Variants in SEPTIN10 observed in about 807,000 individuals in gnomAD.
The protein encoded by SEPTIN10 is septin-10.
SEPTIN10 carries 66 observed loss-of-function variants against 54.8 expected under a neutral mutation model. That is an observed-to-expected ratio of 1.21 (90% confidence interval 0.99 to 1.48). SEPTIN10 has a LOEUF of 1.48. Ranked by LOEUF, SEPTIN10 falls within the 40% of genes most tolerant of loss-of-function variation. The probability of loss-of-function intolerance (pLI) is 0.00; values close to 1 mark genes in which losing one functional copy is unlikely to be tolerated. For missense variants in SEPTIN10, 620 were observed against 545.6 expected (o/e 1.14, Z -1.36); for synonymous variants, 161 against 181.0 (o/e 0.89, Z 0.89).
intron 1 of SEPTIN10, among the ~76,000 whole-genome samples, chr2:109,609,103 T>G (rs1698663255): frequency 6.6e-6 from 1 of 152,118 alleles, no homozygotes; most frequent in South Asian, 2.1e-4. Flanking sequence ...ATAATGAAAA[T>G]CGGTCTGGGA....
At chr2:109,597,405 T>C (rs539470403) in intron 1 of SEPTIN10, among the ~76,000 whole-genome samples, 5 of 152,330 alleles carry the variant, frequency 3.3e-5, no homozygotes, top group Admixed American at 2.6e-4. Flanking sequence ...GACCACCCAC[T>C]TAGTATGTGT....
chr2:109,579,034 T>C (rs1005503747), intron 4 of SEPTIN10, among the ~76,000 whole-genome samples: 1 of 152,110 alleles, frequency 6.6e-6, no homozygotes, highest in South Asian at 2.1e-4. Context: ...CAACACTTTG[T>C]CAAGACTAAT....
chr2:109,588,502 A>T (rs1266118937), intron 2 of SEPTIN10, among the ~76,000 whole-genome samples: 2 of 151,668 alleles, frequency 1.3e-5, no homozygotes, highest in South Asian at 4.2e-4. Context: ...ATATATACAA[A>T]TTTTTTTTTA....
rs1205657698 is a variant in SEPTIN10, at chr2:109,564,198, A to T, written c.1028+168T>A. 3 of 532,462 alleles carry T rather than the reference A, an allele frequency of 5.6e-6. No homozygotes were observed. In the East Asian group the frequency reaches 1.0e-4, roughly 18 times the overall value. 33.0% of individuals were successfully genotyped at this position (532,462 alleles called of 1,614,324 possible). A position where few individuals can be genotyped will look rare whatever the true frequency, so the allele number is the denominator to read the frequency against. Reference sequence around the variant, plus strand: ...AAAAGCAAGACTCTTCAAAAGCAAGAAGGAGTCAAGTGATTCAAGAAGCAC... The same window carrying T: ...AAAAGCAAGACTCTTCAAAAGCAAGTAGGAGTCAAGTGATTCAAGAAGCAC... On this transcript the variant is annotated intron_variant, in intron 8 of 10. Transcript: ENST00000397712.
chr2:109,565,575 T>A (rs72938251), intron 7 of SEPTIN10, among the ~76,000 whole-genome samples, 188 bp downstream of exon 7: 11,577 of 152,086 alleles, frequency 0.076, 800 homozygotes, highest in African/African-American at 0.18. Flanking sequence ...GCGGGGGTAA[T>A]GTGTGTGTGG....
chr2:109,546,368 G>C (rs1681250018), intron 9 of SEPTIN10, 131 bp from the exon 10 acceptor site: 3 of 506,358 alleles, frequency 5.9e-6, no homozygotes, highest in South Asian at 1.3e-4. Context: ...TCTTTCTGAA[G>C]TCTCAGAAGT....
chr2:109,580,077 C>T (rs1690732993), intron 4 of SEPTIN10, among the ~76,000 whole-genome samples: 2 of 151,872 alleles, frequency 1.3e-5, no homozygotes, highest in Admixed American at 1.3e-4. Flanking sequence ...GCCTAGATCG[C>T]ACCACTGCAC....
chr2:109,600,582 C>T (rs1318630376), intron 1 of SEPTIN10, among the ~76,000 whole-genome samples: 1 of 151,154 alleles, frequency 6.6e-6, no homozygotes. Context: ...TGCTCTCACA[C>T]AACACAGGAT....
At chr2:109,606,734 C>T (rs948521431) in intron 1 of SEPTIN10, among the ~76,000 whole-genome samples, 2 of 118,016 alleles carry the variant, frequency 1.7e-5, no homozygotes, top group Admixed American at 1.2e-4. Flanking sequence ...GGCTGGAGTG[C>T]AGTGGTGCAA....
chr2:109,565,397 C>T lies in SEPTIN10; in HGVS notation c.859+366G>A, dbSNP rs182281134. ...CTGACTGGCTTATTCTGGAAATAGCCGGCAATACTTTGATCAGTAAAAATA... is the reference window on the plus strand; with the variant it reads ...CTGACTGGCTTATTCTGGAAATAGCTGGCAATACTTTGATCAGTAAAAATA... On this transcript the variant is annotated intron_variant, in intron 7 of 10. Coordinates refer to ENST00000397712, the MANE Select transcript of SEPTIN10 (RefSeq NM_144710.5). Among the ~76,000 whole-genome samples, 31 of 152,064 alleles carry T rather than the reference C, an allele frequency of 2.0e-4. No homozygotes were observed. The East Asian group carries it at 4.4e-3, about 22-fold the overall frequency.
intron 5 of SEPTIN10, among the ~76,000 whole-genome samples, chr2:109,568,515 G>A (rs1049040937): frequency 2.0e-5 from 3 of 151,808 alleles, no homozygotes; most frequent in East Asian, 1.9e-4. Flanking sequence ...GGGATTACAG[G>A]CACCTCAATC....
At chr2:109,590,666 T>A (rs1254185189) in intron 2 of SEPTIN10, among the ~76,000 whole-genome samples, 1 of 152,170 alleles carries the variant, frequency 6.6e-6, no homozygotes, top group Non-Finnish European at 1.5e-5. Context: ...TGACCTCAGG[T>A]GATCCACTCG....
chr2:109,594,234 T>C (rs978293981), intron 1 of SEPTIN10, among the ~76,000 whole-genome samples: 1 of 151,566 alleles, frequency 6.6e-6, no homozygotes, highest in Non-Finnish European at 1.5e-5. Context: ...TGAGGAAATG[T>C]CACATTATTT....
rs796837171 is a variant in SEPTIN10 at position 109,600,538 on chromosome 2, GA to G, written c.31-7420del. On this transcript the variant is annotated intron_variant, in intron 1 of 10. Coordinates refer to ENST00000397712, the MANE Select transcript of SEPTIN10 (RefSeq NM_144710.5). Reference sequence around the variant, plus strand: ...ATATTTCTAATATTAGCAATGAGTTGAAAAAAAAAAAAAACCACAAACTGTT... The same window carrying G: ...ATATTTCTAATATTAGCAATGAGTTGAAAAAAAAAAAAACCACAAACTGTT... 1.8e-3 allele frequency among the ~76,000 whole-genome samples: 240 copies of G among 132,222 alleles called. 2 individuals carry two copies. The highest frequency in any genetic ancestry group is 3.9e-3 in the Middle Eastern group (1 of 256). The allele number at this position is 132,222 out of a possible 152,430, so 86.7% of individuals were successfully genotyped here.
Position 109,585,237 on chromosome 2 carries a change from G to T in SEPTIN10, c.302C>A (p.Pro101Gln). ...TGTCTGAGCTTTAAGTTTAACATTTGGGCAAAAATGTGAGGATTCATAGTC... is the reference window on the plus strand; with the variant it reads ...TGTCTGAGCTTTAAGTTTAACATTTTGGCAAAAATGTGAGGATTCATAGTC... ...FEDYESSHFC[P>Q]NVKLKAQTYE... The change falls in exon 4 of 11, where the codon CCA becomes CAA. Residue 101 changes from proline to glutamine, a missense_variant. By Grantham distance (76) the Pro-to-Gln change is moderately conservative (BLOSUM62 -1). Coordinates refer to ENST00000397712, the MANE Select transcript of SEPTIN10 (RefSeq NM_144710.5). 1 of 1,611,978 alleles carries T rather than the reference G, an allele frequency of 6.2e-7. No homozygotes were observed. Among genetic ancestry groups the T allele is most frequent in the Non-Finnish European group, 8.5e-7 (1 of 1,178,776 alleles).
intron 9 of SEPTIN10, 110 bp from the exon 10 acceptor site, chr2:109,546,347 C>T (rs1379263834): frequency 1.2e-5 from 7 of 581,428 alleles, no homozygotes; most frequent in Non-Finnish European, 1.4e-5. Flanking sequence ...GAATAACCTA[C>T]ACAGTCAAAA....
At chr2:109,548,773 C>CT (rs1682020458) in intron 9 of SEPTIN10, among the ~76,000 whole-genome samples, 2 of 31,834 alleles carry the variant, frequency 6.3e-5, no homozygotes, top group Non-Finnish European at 1.4e-4. Context: ...TAGGCTCCAT[C>CT]TCAAAAAAAA....
intron 8 of SEPTIN10, among the ~76,000 whole-genome samples, chr2:109,561,840 G>A (rs1023577812): frequency 1.1e-4 from 16 of 152,032 alleles, no homozygotes; most frequent in Non-Finnish European, 2.1e-4. Context: ...TGGGTCCTAT[G>A]GACTTTAATT....
intron 10 of SEPTIN10, 129 bp from the exon 11 acceptor site, chr2:109,544,453 A>C: frequency 7.2e-7 from 1 of 1,397,004 alleles, no homozygotes; most frequent in Non-Finnish European, 9.2e-7. Flanking sequence ...AAAAAACCAA[A>C]AACACCAAAC....
Sources: gnomAD v4.1 joint callset for allele counts (sites outside exome capture counted in the v4.1 genomes callset) on GRCh38, gnomAD v4.1.1 for gene constraint, MANE v1.5 for transcripts, NCBI Gene and HGNC (gene_info 2026-07-23, HGNC 2026-07-21) for gene names.